Variants in SVEP1 observed in about 807,000 individuals in gnomAD.
SVEP1 encodes the protein sushi, von Willebrand factor type A, EGF and pentraxin domain containing 1, also known as sushi, von Willebrand factor type A, EGF and pentraxin domain-containing protein 1.
Under a neutral mutation model 367.3 loss-of-function variants are expected in SVEP1, and 164 were observed. That is an observed-to-expected ratio of 0.45 (90% CI 0.39 to 0.51). SVEP1 has a LOEUF of 0.51. Ranked by LOEUF, SVEP1 falls within the 20% of genes least tolerant of loss-of-function variation. The pLI is 0.00. For missense variants in SVEP1, 4,117 were observed against 4,425.3 expected, an observed-to-expected ratio of 0.93 and a Z score of 1.98; for synonymous variants, 1,666 against 1,611.6, an observed-to-expected ratio of 1.03 and a Z score of -0.81.
Position 110,579,286 on chromosome 9 carries a change from G to T in SVEP1, c.258C>A (p.Phe86Leu). Residue 86 changes from phenylalanine to leucine, a missense_variant, in exon 1 of 48, where the codon TTC (phenylalanine) becomes TTA (leucine). Physicochemically the swap from Phe to Leu is conservative, Grantham distance 22. This residue lies in a region of SVEP1 where 161 missense variants were observed against 122.4 expected (regional missense o/e 1.32). Coordinates refer to ENST00000374469, the MANE Select transcript of SVEP1 (RefSeq NM_153366.4). The surrounding 1 kb of genome is among the most constrained non-coding windows in gnomAD (Gnocchi z 5.3). ...CCACGCTGGACGAATCATCCACCAG[G>T]AAGACAAGCTCCAGGCGCTCGCTGA... Reference protein sequence around the residue: ...RELSERLELVFLVDDSSSVGE... With the variant: ...RELSERLELVLLVDDSSSVGE... 1 of 1,573,000 alleles carries T rather than the reference G, an allele frequency of 6.4e-7. No individual in the cohort carries two copies. Among genetic ancestry groups the T allele is most frequent in the Non-Finnish European group, 8.6e-7 (1 of 1,160,668 alleles).
At position 110,472,180 on chromosome 9, in the gene SVEP1, T is replaced by C. The variant is rs1378204441; in HGVS notation, c.2743A>G (p.Lys915Glu). 1 of 1,611,288 alleles carries C rather than the reference T, an allele frequency of 6.2e-7. No individual in the cohort carries two copies. The highest frequency in any genetic ancestry group is 2.2e-5 in the East Asian group (1 of 44,852). ...TTACCTGTGATGTTAAAAATTAACTTAATTTTATAGTCAGATAATGGGGCA... is the reference window on the plus strand; with the variant it reads ...TTACCTGTGATGTTAAAAATTAACTCAATTTTATAGTCAGATAATGGGGCA... ...RSAPLSDYKI[K>E]LIFNITASVP... The change falls in exon 15 of 48, where the codon AAG becomes GAG. Residue 915 changes from lysine to glutamate, a missense_variant. By Grantham distance (56) the Lys-to-Glu change is moderately conservative. Transcript: ENST00000374469.
chr9:110,527,848 C>T (rs1348695353), intron 3 of SVEP1, among the ~76,000 whole-genome samples: 1 of 151,516 alleles, frequency 6.6e-6, no homozygotes, highest in Non-Finnish European at 1.5e-5. Flanking sequence ...TTATCCCTCA[C>T]TCCCCTCCCA....
chr9:110,498,156 CT>C (rs1158513666), intron 7 of SVEP1, among the ~76,000 whole-genome samples: 3 of 152,148 alleles, frequency 2.0e-5, no homozygotes, highest in African/African-American at 7.2e-5. Flanking sequence ...TGTGCAATTT[CT>C]TTCTTTCTCC....
intron 30 of SVEP1, among the ~76,000 whole-genome samples, chr9:110,433,123 C>A (rs540913832): frequency 6.6e-6 from 1 of 152,290 alleles, no homozygotes; most frequent in East Asian, 1.9e-4. Flanking sequence ...TGAGTAAAAT[C>A]TCCTTGAGGC....
Position 110,517,751 on chromosome 9 carries a change from T to TAAA in SVEP1, c.965-3648_965-3646dup, listed in dbSNP as rs5899902. On this transcript the variant is annotated intron_variant, in intron 3 of 47. Coordinates refer to ENST00000374469, the MANE Select transcript of SVEP1 (RefSeq NM_153366.4). ...GATGATAGACCAAGAACCTGGCTCT[T>TAAA]AAAAAAAAAAAAAAAAAAAAAAAAA... is the stretch of plus-strand genomic sequence containing the variant. 6.1e-4 allele frequency among the ~76,000 whole-genome samples: 31 copies of TAAA among 50,514 alleles called. 1 individual carries two copies. Among genetic ancestry groups the TAAA allele is most frequent in the African/African-American group, 1.6e-3 (19 of 12,164 alleles). The allele number at this position is 50,514 out of a possible 152,430, so 33.1% of individuals were successfully genotyped here.
intron 26 of SVEP1, among the ~76,000 whole-genome samples, chr9:110,445,097 G>C (rs1828568959): frequency 6.6e-6 from 1 of 152,194 alleles, no homozygotes; most frequent in African/African-American, 2.4e-5. Flanking sequence ...TAACCACACG[G>C]AAGTTATGAA....
intron 40 of SVEP1, among the ~76,000 whole-genome samples, chr9:110,400,613 C>T (rs879510804): frequency 6.6e-6 from 1 of 152,092 alleles, no homozygotes; most frequent in Non-Finnish European, 1.5e-5. Context: ...GTGATCTGCC[C>T]ACCTCGGCCT....
rs781349071 is a variant in SVEP1 at position 110,408,260 on chromosome 9, G to C, written c.7340C>G (p.Pro2447Arg). The stretch of plus-strand genomic sequence containing the variant: ...GCCTTGCACATCAATGATTCCATTG[G>C]GGATTTCCTCAGGTTGGGGACATTC... Reference protein sequence around the residue: ...PVECPQPEEIPNGIIDVQGLA... With the variant: ...PVECPQPEEIRNGIIDVQGLA... The change falls in exon 38 of 48, where the codon CCC becomes CGC. Residue 2447 changes from proline (P) to arginine (R), a missense_variant. Physicochemically the swap from Pro to Arg is moderately radical, Grantham distance 103. Coordinates refer to ENST00000374469, the MANE Select transcript of SVEP1 (RefSeq NM_153366.4). 3 of 1,613,854 alleles carry C rather than the reference G, an allele frequency of 1.9e-6. No individual in the cohort carries two copies. The highest frequency in any genetic ancestry group is 2.5e-6 in the Non-Finnish European group (3 of 1,179,900).
At chr9:110,545,089 AG>A (rs1432831472) in intron 3 of SVEP1, among the ~76,000 whole-genome samples, 1 of 152,194 alleles carries the variant, frequency 6.6e-6, no homozygotes, top group African/African-American at 2.4e-5. Context: ...CACGAATGAT[AG>A]GATTTCATTC....
chr9:110,427,870 A>C, intron 35 of SVEP1, 112 bp from the exon 36 acceptor site: 1 of 1,259,686 alleles, frequency 7.9e-7, no homozygotes, highest in Non-Finnish European at 1.1e-6. Flanking sequence ...TTGAGTACAC[A>C]AAAATAGCAT....
At chr9:110,565,694 T>A (rs1350286515) in intron 1 of SVEP1, among the ~76,000 whole-genome samples, 1 of 152,048 alleles carries the variant, frequency 6.6e-6, no homozygotes, top group East Asian at 1.9e-4. Flanking sequence ...AATGACAATC[T>A]CCAAACATCC....
intron 22 of SVEP1, among the ~76,000 whole-genome samples, chr9:110,453,435 T>C (rs1447367025): frequency 6.6e-6 from 1 of 152,182 alleles, no homozygotes; most frequent in African/African-American, 2.4e-5. Flanking sequence ...AAGCTGCGAC[T>C]CTTAAGATAT....
chr9:110,443,411 G>T, intron 27 of SVEP1, 134 bp downstream of exon 27: 2 of 817,144 alleles, frequency 2.4e-6, no homozygotes, highest in Non-Finnish European at 1.7e-6. Flanking sequence ...GATAATCAGG[G>T]AGTAGGAAAT....
rs957015848 is a variant in SVEP1, at chr9:110,579,034, C to G, written c.510G>C (p.Lys170Asn). The G allele has an allele frequency of 1.5e-5, 24 of 1,548,512 alleles. No homozygotes were observed. Among genetic ancestry groups the G allele is most frequent in the Non-Finnish European group, 2.0e-5 (23 of 1,146,712 alleles). Residue 170 changes from lysine to asparagine, a missense_variant, in exon 1 of 48, where the codon AAG becomes AAC. Lys to Asn is a moderately conservative substitution (Grantham distance 94). Coordinates refer to ENST00000374469, the MANE Select transcript of SVEP1 (RefSeq NM_153366.4). The surrounding 1 kb of genome is among the most constrained non-coding windows in gnomAD (Gnocchi z 5.3). Reference sequence around the variant, plus strand: ...TTACCGCGGCTTGCTGGAAGGCGCCCTTGGTGTAGGTGCCGCCACCTCGGT... The same window carrying G: ...TTACCGCGGCTTGCTGGAAGGCGCCGTTGGTGTAGGTGCCGCCACCTCGGT... ...ISYRGGGTYT[K>N]GAFQQAAQIL...
intron 41 of SVEP1, among the ~76,000 whole-genome samples, chr9:110,387,971 C>A (rs1158624283): frequency 6.6e-6 from 1 of 152,086 alleles, no homozygotes. Flanking sequence ...TTAAATATAA[C>A]TGCATGTCCT....
intron 39 of SVEP1, 103 bp downstream of exon 39, chr9:110,404,224 T>C: frequency 1.7e-6 from 2 of 1,159,934 alleles, no homozygotes; most frequent in East Asian, 4.7e-5. Context: ...GAGTGAAAAC[T>C]TCAGACTTTT....
intron 9 of SVEP1, among the ~76,000 whole-genome samples, chr9:110,485,091 C>A (rs978311033): frequency 2.0e-5 from 3 of 152,168 alleles, no homozygotes; most frequent in African/African-American, 7.2e-5. Context: ...TGGGTATATA[C>A]CCAAAGGAAC....
rs1564152263 is a variant in SVEP1, at chr9:110,471,554, C to G, written c.2808G>C (p.Trp936Cys). 3 of 1,613,766 alleles carry G rather than the reference C, an allele frequency of 1.9e-6. No individual in the cohort carries two copies. The highest frequency in any genetic ancestry group is 2.2e-5 in the East Asian group (1 of 44,874). The change falls in exon 16 of 48, where the codon TGG becomes TGC. Residue 936 changes from tryptophan to cysteine, a missense_variant. Physicochemically the swap from Trp to Cys is radical, Grantham distance 215. This residue lies in a region of SVEP1 where 2,174 missense variants were observed against 2,494.3 expected (regional missense o/e 0.87). Coordinates refer to ENST00000374469, the MANE Select transcript of SVEP1 (RefSeq NM_153366.4). ...LPDERNDTLE[W>C]ENQQRLLQTL... ...TCTGAAGGAGTCGTTGCTGATTTTCCCATTCAAGGGTATCATTTCTTTCAT... is the reference window on the plus strand; with the variant it reads ...TCTGAAGGAGTCGTTGCTGATTTTCGCATTCAAGGGTATCATTTCTTTCAT...
chr9:110,450,565 G>T (rs987428954), intron 23 of SVEP1, among the ~76,000 whole-genome samples: 6 of 146,128 alleles, frequency 4.1e-5, no homozygotes, highest in Admixed American at 1.4e-4. Flanking sequence ...CACCTCCTAG[G>T]TTCAAGCGAT....
Sources: allele counts gnomAD v4.1 joint callset (sites outside exome capture counted in the v4.1 genomes callset), GRCh38; gene constraint gnomAD v4.1.1; regional missense constraint gnomAD v4.1.1; non-coding constraint Gnocchi (gnomAD v3.1); transcripts MANE v1.5; gene names NCBI Gene and HGNC (gene_info 2026-07-23, HGNC 2026-07-21).